SGCZ: variants seen among roughly 807,000 people sequenced by gnomAD.
SGCZ encodes the protein sarcoglycan zeta.
Under a neutral mutation model 41.3 loss-of-function variants are expected in SGCZ, and 40 were observed. The ratio of observed to expected loss-of-function variants is 0.97; its 90% confidence interval spans 0.75 to 1.26. The LOEUF is 1.26. SGCZ is among the 50% of genes most tolerant of loss of function. SGCZ has a pLI of 0.00. For synonymous variants in SGCZ, 206 were observed against 137.5 expected (o/e 1.50, Z -3.49); for missense variants, 552 against 369.8 (o/e 1.49, Z -4.04).
rs1326451152 is a variant in SGCZ, at chr8:14,089,379, C to G, written c.*1064G>C. Among the ~76,000 whole-genome samples, 1 of 151,832 alleles carries G rather than the reference C, an allele frequency of 6.6e-6. No individual in the cohort carries two copies. Among genetic ancestry groups the G allele is most frequent in the Admixed American group, 6.6e-5 (1 of 15,210 alleles). ...TTCTGACTTCTTTAAATCTTAACCTCCAATAAAAAATAGATGGAGAATAAT... is the reference window on the plus strand; with the variant it reads ...TTCTGACTTCTTTAAATCTTAACCTGCAATAAAAAATAGATGGAGAATAAT... On this transcript the variant is annotated 3_prime_UTR_variant, in exon 8 of 8. Coordinates refer to ENST00000382080, the MANE Select transcript of SGCZ (RefSeq NM_139167.4).
At chr8:14,447,044 C>T (rs1294920364) in intron 2 of SGCZ, among the ~76,000 whole-genome samples, 2 of 152,050 alleles carry the variant, frequency 1.3e-5, no homozygotes, top group African/African-American at 2.4e-5. Context: ...CAGCAGTTTT[C>T]CGAGAAATAC....
chr8:14,132,558 T>C (rs1803074291), intron 5 of SGCZ, among the ~76,000 whole-genome samples: 1 of 152,226 alleles, frequency 6.6e-6, no homozygotes. Flanking sequence ...TTATTTTGTT[T>C]ATACATTATT....
chr8:14,859,852 C>T (rs542968273), intron 1 of SGCZ, among the ~76,000 whole-genome samples: 106 of 152,210 alleles, frequency 7.0e-4, no homozygotes, highest in Middle Eastern at 3.4e-3. Flanking sequence ...CTATTGTACC[C>T]TCATATCTTG....
chr8:14,420,186 A>G (rs1322163550), intron 2 of SGCZ, among the ~76,000 whole-genome samples: 1 of 151,996 alleles, frequency 6.6e-6, no homozygotes, highest in East Asian at 1.9e-4. Context: ...TATATTACCC[A>G]GTAATTTGAC....
At chr8:14,445,193 A>G (rs1268401636) in intron 2 of SGCZ, among the ~76,000 whole-genome samples, 1 of 152,204 alleles carries the variant, frequency 6.6e-6, no homozygotes, top group East Asian at 1.9e-4. Context: ...GCAGATTAGG[A>G]CGGGTCCCCA....
rs138953021 is a variant in SGCZ, at chr8:14,198,739, T to C, written c.425-34037A>G. On this transcript the variant is annotated intron_variant, in intron 4 of 7. Coordinates refer to ENST00000382080, the MANE Select transcript of SGCZ (RefSeq NM_139167.4). ...CAGCTGAAGCCATGGCAGAAGAACA[T>C]AAATTGTGATGATTTTATGGATGTT... Among the ~76,000 whole-genome samples, 111 of 152,290 alleles carry C rather than the reference T, an allele frequency of 7.3e-4. No homozygotes were observed. In the East Asian group the frequency reaches 0.02, roughly 27 times the overall value.
chr8:14,472,350 G>T (rs1328655913), intron 2 of SGCZ, among the ~76,000 whole-genome samples: 1 of 152,066 alleles, frequency 6.6e-6, no homozygotes, highest in South Asian at 2.1e-4. Flanking sequence ...GAAAGCCAGA[G>T]AGGTATTTAC....
intron 2 of SGCZ, among the ~76,000 whole-genome samples, chr8:14,463,137 T>C (rs1585548721): frequency 6.6e-6 from 1 of 151,826 alleles, no homozygotes; most frequent in East Asian, 1.9e-4. Flanking sequence ...AAAAAGATAA[T>C]TTTGTTTCTT....
intron 1 of SGCZ, among the ~76,000 whole-genome samples, chr8:15,071,735 C>T (rs986504936): frequency 6.6e-6 from 1 of 152,112 alleles, no homozygotes; most frequent in African/African-American, 2.4e-5. Flanking sequence ...TTGTAACCTT[C>T]TGGGAGTAGC....
At chr8:14,127,541 C>G (rs899370130) in intron 5 of SGCZ, among the ~76,000 whole-genome samples, 3 of 152,072 alleles carry the variant, frequency 2.0e-5, no homozygotes, top group African/African-American at 7.2e-5. Flanking sequence ...CTGCATCCTC[C>G]GCCTCCCGGG....
chr8:14,536,411 G>A (rs1039232872), intron 2 of SGCZ, among the ~76,000 whole-genome samples: 1 of 151,666 alleles, frequency 6.6e-6, no homozygotes, highest in Admixed American at 6.6e-5. Flanking sequence ...AAAACCAAAT[G>A]CTATCTAAAT....
chr8:14,840,530 A>G (rs149286783), intron 1 of SGCZ, among the ~76,000 whole-genome samples: 47 of 152,250 alleles, frequency 3.1e-4, no homozygotes, highest in African/African-American at 8.2e-4. Flanking sequence ...AGTGTTGCCA[A>G]TTAAAAATCT....
chr8:14,645,478 T>TTATATATATATATATATATATATATA (rs1046258520), intron 1 of SGCZ, among the ~76,000 whole-genome samples: 15 of 106,594 alleles, frequency 1.4e-4, no homozygotes, highest in East Asian at 1.0e-3. Flanking sequence ...ATATATATAT[T>TTATATATATATATATATATATATATA]TATATGTATA....
At chr8:15,235,982 G>T (rs1205694437) in intron 1 of SGCZ, among the ~76,000 whole-genome samples, 1 of 152,156 alleles carries the variant, frequency 6.6e-6, no homozygotes, top group African/African-American at 2.4e-5. Context: ...GTGTCCTATC[G>T]GAGTAGAGCA....
chr8:14,250,663 T>C (rs1396033400), intron 3 of SGCZ, among the ~76,000 whole-genome samples: 1 of 152,152 alleles, frequency 6.6e-6, no homozygotes, highest in Non-Finnish European at 1.5e-5. Flanking sequence ...GACAGATATA[T>C]AATTTTTGTA....
chr8:14,557,207 T>C (rs1804059630), intron 1 of SGCZ, among the ~76,000 whole-genome samples: 1 of 152,032 alleles, frequency 6.6e-6, no homozygotes, highest in African/African-American at 2.4e-5. Context: ...TTTTTTCATG[T>C]GTTTATTGGT....
chr8:14,520,893 A>C (rs1802769073), intron 2 of SGCZ, among the ~76,000 whole-genome samples: 1 of 152,196 alleles, frequency 6.6e-6, no homozygotes, highest in Non-Finnish European at 1.5e-5. Flanking sequence ...AACGTTATAT[A>C]ACAAGCATGT....
At chr8:15,141,087 T>G (rs2116996606) in intron 1 of SGCZ, among the ~76,000 whole-genome samples, 1 of 152,384 alleles carries the variant, frequency 6.6e-6, no homozygotes, top group Middle Eastern at 3.4e-3. Context: ...ACTTCTTATG[T>G]AATTTTCACC....
At chr8:14,972,464 GCT>G (rs1801332890) in intron 1 of SGCZ, among the ~76,000 whole-genome samples, 2 of 152,114 alleles carry the variant, frequency 1.3e-5, no homozygotes, top group Admixed American at 1.3e-4. Flanking sequence ...AGAATGACAA[GCT>G]CTGTCTTTTG....
Sources: allele counts gnomAD v4.1 joint callset (sites outside exome capture counted in the v4.1 genomes callset), GRCh38; gene constraint gnomAD v4.1.1; transcripts MANE v1.5; gene names NCBI Gene and HGNC (gene_info 2026-07-23, HGNC 2026-07-21).